KARS1: variants seen among roughly 807,000 people sequenced by gnomAD.
KARS1 encodes the protein lysine--tRNA ligase.
In KARS1, 50 loss-of-function variants were observed where a neutral mutation model predicts 63.9. The ratio of observed to expected loss-of-function variants is 0.78; its 90% CI spans 0.62 to 0.99. The LOEUF is 0.99. KARS1 is among the 50% of genes least tolerant of loss of function. KARS1 has a pLI of 0.00. For synonymous variants in KARS1, 320 were observed against 264.6 expected (o/e 1.21, Z -2.03); for missense variants, 816 against 754.5 (o/e 1.08, Z -0.95).
At chr16:75,639,148 A>T (rs1181913572) in intron 3 of KARS1, among the ~76,000 whole-genome samples, 1 of 152,144 alleles carries the variant, frequency 6.6e-6, no homozygotes, top group African/African-American at 2.4e-5. Flanking sequence ...AGCCTGGGGG[A>T]CAAGAGCAAG....
At chr16:75,646,048 A>G (rs933285620) in intron 1 of KARS1, among the ~76,000 whole-genome samples, 1 of 152,220 alleles carries the variant, frequency 6.6e-6, no homozygotes, top group Non-Finnish European at 1.5e-5. Context: ...ACCACATTCA[A>G]TTAAATTTGA....
chr16:75,630,882 G>T (rs2082104833), intron 10 of KARS1, among the ~76,000 whole-genome samples: 1 of 152,124 alleles, frequency 6.6e-6, no homozygotes, highest in African/African-American at 2.4e-5. Flanking sequence ...TGATTCATCT[G>T]CCTCGGCCTC....
chr16:75,636,811 T>G (rs2082167123), intron 3 of KARS1, among the ~76,000 whole-genome samples: 1 of 151,944 alleles, frequency 6.6e-6, no homozygotes, highest in African/African-American at 2.4e-5. Context: ...TTTTTCTTTT[T>G]TTTTTTAAAG....
intron 13 of KARS1, among the ~76,000 whole-genome samples, 154 bp downstream of exon 13, chr16:75,628,415 C>A (rs1305467218): frequency 1.3e-5 from 2 of 152,230 alleles, no homozygotes; most frequent in Non-Finnish European, 2.9e-5. Context: ...GTCAGAGGCT[C>A]TGGCCCTCCT....
intron 1 of KARS1, among the ~76,000 whole-genome samples, chr16:75,643,993 C>T (rs2082253295): frequency 6.6e-6 from 1 of 152,154 alleles, no homozygotes; most frequent in African/African-American, 2.4e-5. Context: ...CACAAAACTC[C>T]AGAAAGACAG....
chr16:75,636,828 G>A (rs1393056645), intron 3 of KARS1, among the ~76,000 whole-genome samples: 2 of 151,442 alleles, frequency 1.3e-5, no homozygotes, highest in Non-Finnish European at 2.9e-5. Context: ...AAAGTAGAGA[G>A]GGGGTTTCAC....
chr16:75,640,929 G>A (rs992845475), intron 2 of KARS1, among the ~76,000 whole-genome samples: 3 of 152,194 alleles, frequency 2.0e-5, no homozygotes, highest in African/African-American at 4.8e-5. Context: ...GGGGCAAGGT[G>A]TGGTGGCTCA....
chr16:75,636,092 A>G lies in KARS1; in HGVS notation c.489T>C (p.Tyr163=). ...KLQVMANSRN[Y]KSEEEFIHIN... ...TATGAATAAATTCTTCTTCTGATTT[A>G]TAATTTCTGAGTGAAAAAGAAATGT... The change falls in exon 5 of 14, where the codon TAT becomes TAC. Residue 163 remains tyrosine (Y), a synonymous_variant. Coordinates refer to ENST00000302445, the MANE Select transcript of KARS1 (RefSeq NM_005548.3). 1.3e-6 allele frequency: 2 copies of G among 1,563,704 alleles called. No individual in the cohort carries two copies. The highest frequency in any genetic ancestry group is 1.8e-6 in the Non-Finnish European group (2 of 1,134,962).
At position 75,631,479 on chromosome 16, in the gene KARS1, C is replaced by A. The variant is rs1216451194; in HGVS notation, c.1189G>T (p.Val397Leu). ...FTPPFRRINMVEELEKALGMK... is the reference protein window; with the variant it reads ...FTPPFRRINMLEELEKALGMK... ...CCCAGGGCTTTCTCAAGCTCTTCTA[C>A]CATGTTGATTCGCCGGAAGGGTGGG... The change falls in exon 9 of 14, where the codon GTA (valine) becomes TTA (leucine). Residue 397 changes from valine to leucine, a missense_variant. Transcript: ENST00000302445. 1.2e-6 allele frequency: 2 copies of A among 1,614,224 alleles called. No homozygotes were observed. Among genetic ancestry groups the A allele is most frequent in the Non-Finnish European group, 1.7e-6 (2 of 1,180,028 alleles).
At chr16:75,640,535 AG>A (rs1224487844) in intron 2 of KARS1, among the ~76,000 whole-genome samples, 186 bp from the exon 3 acceptor site, 1 of 152,234 alleles carries the variant, frequency 6.6e-6, no homozygotes. Context: ...CAGGGCGGCC[AG>A]AGGCCAGCAT....
intron 1 of KARS1, among the ~76,000 whole-genome samples, chr16:75,646,190 A>G (rs1263193223): frequency 6.6e-6 from 1 of 152,192 alleles, no homozygotes; most frequent in Non-Finnish European, 1.5e-5. Flanking sequence ...AAACTTCGAC[A>G]ATTTCTCTTA....
chr16:75,634,914 G>A (rs2082147249), intron 6 of KARS1, among the ~76,000 whole-genome samples: 1 of 152,096 alleles, frequency 6.6e-6, no homozygotes, highest in African/African-American at 2.4e-5. Flanking sequence ...CTGGTCTGAA[G>A]GTAGTGAGTT....
At chr16:75,644,152 G>T in intron 1 of KARS1, 1 of 711,046 alleles carries the variant, frequency 1.4e-6, no homozygotes, top group Non-Finnish European at 2.3e-6. Context: ...AGGACTATTG[G>T]TTTTGGTATT....
chr16:75,629,323 C>A, intron 12 of KARS1, 92 bp downstream of exon 12: 1 of 1,528,228 alleles, frequency 6.5e-7, no homozygotes, highest in Non-Finnish European at 9.1e-7. Context: ...CTTCTGAAGT[C>A]ACCAAGAACG....
chr16:75,636,892 A>C (rs544486773), intron 3 of KARS1, among the ~76,000 whole-genome samples: 54 of 151,240 alleles, frequency 3.6e-4, no homozygotes, highest in African/African-American at 1.3e-3. Flanking sequence ...CACCCACCTC[A>C]GCCTCCCAAA....
At chr16:75,639,636 G>A (rs987755939) in intron 3 of KARS1, 3 of 151,768 alleles carry the variant, frequency 2.0e-5, no homozygotes, top group African/African-American at 7.3e-5. Context: ...AATCTTTTGG[G>A]CATTTAGGTC....
intron 7 of KARS1, among the ~76,000 whole-genome samples, chr16:75,632,445 C>G (rs992044656): frequency 6.6e-6 from 1 of 152,190 alleles, no homozygotes; most frequent in Non-Finnish European, 1.5e-5. Flanking sequence ...TGGGGTTAGG[C>G]TGCAGGCGTG....
rs1452629747 is a variant in KARS1, at chr16:75,629,422, T to C, written c.1544A>G (p.Gln515Arg). 6.2e-7 allele frequency: 1 copy of C among 1,614,012 alleles called. No homozygotes were observed. Among genetic ancestry groups the C allele is most frequent in the Non-Finnish European group, 8.5e-7 (1 of 1,179,876 alleles). ...CACAGTCCCCTTTCTCACCTTGGCCTGTTCTTCAAAAAGCTGCCGCTGCCG... is the reference window on the plus strand; with the variant it reads ...CACAGTCCCCTTTCTCACCTTGGCCCGTTCTTCAAAAAGCTGCCGCTGCCG... ...PMRQRQLFEE[Q>R]AKAKAAGDDE... The change falls in exon 12 of 14, where the codon CAG (glutamine) becomes CGG (arginine). Residue 515 changes from glutamine to arginine, a missense_variant. Physicochemically the swap from Gln to Arg is conservative, Grantham distance 43 (BLOSUM62 1). Coordinates refer to ENST00000302445, the MANE Select transcript of KARS1 (RefSeq NM_005548.3).
At chr16:75,645,389 T>C (rs1472450939) in intron 1 of KARS1, among the ~76,000 whole-genome samples, 1 of 152,218 alleles carries the variant, frequency 6.6e-6, no homozygotes, top group African/African-American at 2.4e-5. Context: ...CACACTTTAA[T>C]AGTGCATTTA....
Sources: allele counts gnomAD v4.1 joint callset (sites outside exome capture counted in the v4.1 genomes callset), GRCh38; gene constraint gnomAD v4.1.1; transcripts MANE v1.5; gene names NCBI Gene and HGNC (gene_info 2026-07-23, HGNC 2026-07-21).